Variants in PIWIL3 observed in about 807,000 individuals in gnomAD.
PIWIL3 encodes piwi-like protein 3.
PIWIL3 carries 101 observed loss-of-function variants against 109.7 expected under a neutral mutation model. The ratio of observed to expected loss-of-function variants is 0.92; its 90% CI spans 0.78 to 1.09. The LOEUF is 1.09. Among genes scored for constraint, PIWIL3 ranks in the 50% least tolerant of loss-of-function variants. The pLI, the probability that PIWIL3 is intolerant of heterozygous loss-of-function variation, is 0.00. For synonymous variants in PIWIL3, 373 were observed against 376.4 expected (o/e 0.99, Z 0.10); for missense variants, 1,031 against 1,072.6 (o/e 0.96, Z 0.54).
At chr22:24,748,064 GT>G (rs1924476227) in intron 12 of PIWIL3, among the ~76,000 whole-genome samples, 1 of 152,064 alleles carries the variant, frequency 6.6e-6, no homozygotes, top group African/African-American at 2.4e-5. Context: ...TGAAGAAAAT[GT>G]GATACATATA....
rs991597549 is a variant in PIWIL3 at position 24,754,805 on chromosome 22, G to A, written c.752C>T (p.Ala251Val). 26 of 1,610,394 alleles carry A rather than the reference G, an allele frequency of 1.6e-5. No individual in the cohort carries two copies. The highest frequency in any genetic ancestry group is 2.1e-5 in the Non-Finnish European group (25 of 1,176,788). Residue 251 changes from alanine to valine, a missense_variant, in exon 7 of 21, where the codon GCC (alanine) becomes GTC (valine). Coordinates refer to ENST00000616349, the MANE Select transcript of PIWIL3 (RefSeq NM_001255975.1). The stretch of plus-strand genomic sequence containing the variant: ...AAACCCATGACGGTATAACTGAATG[G>A]CCTTCTTTTTGGTATAATAGTTGCG... ...VGRNYYTKKKAIQLYRHGTSL... is the reference protein window; with the variant it reads ...VGRNYYTKKKVIQLYRHGTSL...
At chr22:24,758,326 TTC>T (rs1448163389) in intron 3 of PIWIL3, among the ~76,000 whole-genome samples, 1 of 152,206 alleles carries the variant, frequency 6.6e-6, no homozygotes, top group Admixed American at 6.5e-5. Flanking sequence ...GAAACTTTGG[TTC>T]TGTCTTTAAG....
chr22:24,773,306 C>T (rs1022423339), intron 1 of PIWIL3, among the ~76,000 whole-genome samples: 3 of 152,204 alleles, frequency 2.0e-5, no homozygotes, highest in Admixed American at 2.0e-4. Flanking sequence ...ATGCCCTGCA[C>T]AGGAACCCTC....
chr22:24,754,307 C>A, intron 7 of PIWIL3, 90 bp from the exon 8 acceptor site: 1 of 1,034,096 alleles, frequency 9.7e-7, no homozygotes, highest in South Asian at 1.6e-5. Context: ...AAAATTGGTA[C>A]TTAGGAGTCA....
chr22:24,769,036 A>G (rs1925968244), intron 1 of PIWIL3, among the ~76,000 whole-genome samples: 1 of 152,122 alleles, frequency 6.6e-6, no homozygotes, highest in Non-Finnish European at 1.5e-5. Flanking sequence ...GAGGCCAACT[A>G]TACAGTCCTC....
intron 1 of PIWIL3, among the ~76,000 whole-genome samples, chr22:24,766,703 T>C (rs1601855111): frequency 6.6e-6 from 1 of 152,240 alleles, no homozygotes; most frequent in Non-Finnish European, 1.5e-5. Flanking sequence ...ACACATTGAA[T>C]GCCTGTCAAT....
chr22:24,722,955 G>A (rs754704922), intron 19 of PIWIL3, among the ~76,000 whole-genome samples, 175 bp downstream of exon 19: 1 of 152,040 alleles, frequency 6.6e-6, no homozygotes, highest in Non-Finnish European at 1.5e-5. Context: ...AAGACTCATC[G>A]CGATTTCTAG....
intron 12 of PIWIL3, among the ~76,000 whole-genome samples, chr22:24,742,306 A>G (rs1176928558): frequency 6.6e-6 from 1 of 152,170 alleles, no homozygotes; most frequent in African/African-American, 2.4e-5. Flanking sequence ...ATATTGTGAA[A>G]ATGACTATAC....
rs914816152 is a variant in PIWIL3 at position 24,746,542 on chromosome 22, A to G, written c.1449+2365T>C. Among the ~76,000 whole-genome samples the G allele has an allele frequency of 1.4e-4, 22 of 152,124 alleles. No individual in the cohort carries two copies. In the South Asian group the frequency reaches 4.6e-3, roughly 32 times the overall value. On this transcript the variant is annotated intron_variant, in intron 12 of 20. Transcript: ENST00000616349. ...TGTCACCATTGTTATTCAACATAGT[A>G]CTAGAAGTCCTAGCTAGAGTCATCA...
intron 8 of PIWIL3, 25 bp from the exon 9 acceptor site, chr22:24,751,523 T>G: frequency 6.2e-7 from 1 of 1,600,066 alleles, no homozygotes; most frequent in Non-Finnish European, 8.5e-7. Context: ...CAATATGGTA[T>G]TATTTGACTT....
rs762869873 is a variant in PIWIL3 at position 24,749,023 on chromosome 22, T to C, written c.1335-2A>G. On this transcript the variant is annotated splice_acceptor_variant, in intron 11 of 20. Transcript: ENST00000616349. LOFTEE classifies it high-confidence loss of function. ...AGTAACTCTCGTACTTTTTTATTACTGAAAATTAAAATATTGCCAACATGA... is the reference window on the plus strand; with the variant it reads ...AGTAACTCTCGTACTTTTTTATTACCGAAAATTAAAATATTGCCAACATGA... 4 of 1,598,580 alleles carry C rather than the reference T, an allele frequency of 2.5e-6. No homozygotes were observed. The highest frequency in any genetic ancestry group is 2.6e-6 in the Non-Finnish European group (3 of 1,168,402).
rs147990065 is a variant in PIWIL3 at position 24,727,953 on chromosome 22, G to A, written c.2006C>T (p.Thr669Ile). The A allele has an allele frequency of 2.5e-6, 4 of 1,608,846 alleles. No homozygotes were observed. Among genetic ancestry groups the A allele is most frequent in the Middle Eastern group, 1.7e-4 (1 of 5,924 alleles). Residue 669 changes from threonine to isoleucine, a missense_variant, in exon 16 of 21, where the codon ACA becomes ATA. Thr to Ile is a moderately conservative substitution (Grantham distance 89). Coordinates refer to ENST00000616349, the MANE Select transcript of PIWIL3 (RefSeq NM_001255975.1). Reference protein sequence around the residue: ...GFVASTNAELTKWYSQCVIQK... With the variant: ...GFVASTNAELIKWYSQCVIQK... ...ATGTCTACCAGAGCTTACTTACTTT[G>A]TTAATTCAGCATTGGTACTTGCAAC... is the stretch of plus-strand genomic sequence containing the variant.
At chr22:24,727,481 TCAACAACAACAACAACAAA>T (rs1430652287) in intron 16 of PIWIL3, among the ~76,000 whole-genome samples, 1 of 151,816 alleles carries the variant, frequency 6.6e-6, no homozygotes, top group Non-Finnish European at 1.5e-5. Context: ...CAGCTGACGG[TCAACAACAACAACAACAAA>T]CAACAACAAC....
At chr22:24,770,673 A>AC (rs1425546245) in intron 1 of PIWIL3, among the ~76,000 whole-genome samples, 1 of 134,188 alleles carries the variant, frequency 7.5e-6, no homozygotes, top group African/African-American at 2.7e-5. Context: ...AAAAAAAAAA[A>AC]AAAAAACAAA....
chr22:24,729,437 C>G (rs1923204336), intron 14 of PIWIL3, among the ~76,000 whole-genome samples: 1 of 152,144 alleles, frequency 6.6e-6, no homozygotes, highest in Admixed American at 6.5e-5. Flanking sequence ...AAAGTTAATA[C>G]TTTCAGCAAC....
chr22:24,726,060 C>T (rs1922975561), intron 16 of PIWIL3, among the ~76,000 whole-genome samples: 1 of 152,206 alleles, frequency 6.6e-6, no homozygotes, highest in African/African-American at 2.4e-5. Context: ...TGCCTCTTCT[C>T]ACTAGGATTT....
chr22:24,719,946 T>C (rs1422044294), intron 19 of PIWIL3, 51 bp from the exon 20 acceptor site: 4 of 1,428,284 alleles, frequency 2.8e-6, no homozygotes, highest in African/African-American at 1.4e-5. Flanking sequence ...AGAGGGTATA[T>C]AGTAAACTTA....
Position 24,724,950 on chromosome 22 carries a change from T to G in PIWIL3, c.2168A>C (p.Gln723Pro), listed in dbSNP as rs1171082644. 6.2e-7 allele frequency: 1 copy of G among 1,614,164 alleles called. No homozygotes were observed. Among genetic ancestry groups the G allele is most frequent in the Non-Finnish European group, 8.5e-7 (1 of 1,180,022 alleles). The change falls in exon 18 of 21, where the codon CAA becomes CCA. Residue 723 changes from glutamine to proline, a missense_variant. Gln to Pro is a moderately conservative substitution (Grantham distance 76). Transcript: ENST00000616349. ...YRDGVGDGQLQALLDHEAKKM... is the reference protein window; with the variant it reads ...YRDGVGDGQLPALLDHEAKKM... ...TTTCGCTTCATGGTCAAGCAATGCT[T>G]GAAGCTGACCATCTCCCACTCCATC...
At chr22:24,736,550 T>C (rs1236478272) in intron 12 of PIWIL3, among the ~76,000 whole-genome samples, 4 of 152,162 alleles carry the variant, frequency 2.6e-5, no homozygotes, top group African/African-American at 9.7e-5. Context: ...AATAGAGGGC[T>C]CCACTGATCA....
Sources: gnomAD v4.1 joint callset for allele counts (sites outside exome capture counted in the v4.1 genomes callset) on GRCh38, gnomAD v4.1.1 for gene constraint, MANE v1.5 for transcripts, NCBI Gene and HGNC (gene_info 2026-07-23, HGNC 2026-07-21) for gene names.